The following SGCD variants were observed in gnomAD, a reference collection of about 807,000 sequenced individuals.
SGCD encodes the protein delta-sarcoglycan.
In SGCD, 18 loss-of-function variants were observed where a neutral mutation model predicts 36.6. The observed-to-expected ratio is 0.49, with a 90% CI of 0.34 to 0.73. The LOEUF is 0.73. Ranked by LOEUF, SGCD falls within the 30% of genes least tolerant of loss-of-function variation. The pLI is 0.01. For missense variants in SGCD, 387 were observed against 346.7 expected, an observed-to-expected ratio of 1.12 and a Z score of -0.92; for synonymous variants, 133 against 130.6, an observed-to-expected ratio of 1.02 and a Z score of -0.12.
intron 2 of SGCD, among the ~76,000 whole-genome samples, chr5:156,121,007 C>A (rs1280281467): frequency 6.6e-6 from 1 of 152,102 alleles, no homozygotes; most frequent in African/African-American, 2.4e-5. Flanking sequence ...GAAAACATGA[C>A]TTTCTCATGT....
chr5:156,759,304 A>T lies in SGCD; in HGVS notation c.787A>T (p.Ile263Phe). ...AGGAACGAGGCAGAAGGTCTTCGAG[A>T]TCTGCGTCTGCGCCAATGGGAGATT... Reference protein sequence around the residue: ...PTGTRQKVFEICVCANGRLFL... With the variant: ...PTGTRQKVFEFCVCANGRLFL... The change falls in exon 9 of 9, where the codon ATC becomes TTC. Residue 263 changes from isoleucine to phenylalanine, a missense_variant. Physicochemically the swap from Ile to Phe is conservative, Grantham distance 21. Transcript: ENST00000337851. 1 of 1,613,632 alleles carries T rather than the reference A, an allele frequency of 6.2e-7. No homozygotes were observed. The highest frequency in any genetic ancestry group is 8.5e-7 in the Non-Finnish European group (1 of 1,179,582).
At chr5:156,447,909 T>C (rs1221996034) in intron 3 of SGCD, among the ~76,000 whole-genome samples, 1 of 152,172 alleles carries the variant, frequency 6.6e-6, no homozygotes, top group East Asian at 1.9e-4. Context: ...ATTATTACCC[T>C]ATGAGGTATA....
At chr5:155,942,111 T>A (rs776876553) in intron 1 of SGCD, among the ~76,000 whole-genome samples, 1 of 152,140 alleles carries the variant, frequency 6.6e-6, no homozygotes, top group Non-Finnish European at 1.5e-5. Flanking sequence ...TTCTGCATAA[T>A]ATATTATATA....
intron 3 of SGCD, among the ~76,000 whole-genome samples, chr5:156,251,263 T>A (rs1765570186): frequency 6.6e-6 from 1 of 152,200 alleles, no homozygotes; most frequent in Non-Finnish European, 1.5e-5. Context: ...GGAAACATTT[T>A]GGTTGCAAAA....
At position 156,185,431 on chromosome 5, in the gene SGCD, G is replaced by A. The variant is rs528885695; in HGVS notation, c.-44+61412G>A. ...GGGTTTCACCACGTTAGCCAGGATG[G>A]TCTCGATCTCCTGACCTTGTGATCC... On this transcript the variant is annotated intron_variant, in intron 3 of 9. Coordinates refer to the SGCD transcript ENST00000517913. Among the ~76,000 whole-genome samples the A allele has an allele frequency of 5.9e-5, 9 of 151,960 alleles. No homozygotes were observed. The East Asian group carries it at 7.8e-4, about 13-fold the overall frequency.
At chr5:155,755,156 C>A in the SGCD span, among the ~76,000 whole-genome samples, 1 of 152,250 alleles carries the variant, frequency 6.6e-6, no homozygotes. Flanking sequence ...GAGATGTTAT[C>A]ATAGCTTATG....
chr5:156,735,870 T>C (rs1307315609), intron 7 of SGCD, among the ~76,000 whole-genome samples: 2 of 152,192 alleles, frequency 1.3e-5, no homozygotes, highest in African/African-American at 4.8e-5. Context: ...CCAGGTCTCC[T>C]GTGTGCCTGA....
intron 7 of SGCD, among the ~76,000 whole-genome samples, chr5:156,705,464 T>A (rs574472032): frequency 1.3e-5 from 2 of 152,166 alleles, no homozygotes; most frequent in South Asian, 4.1e-4. Context: ...TCTCCTCTGC[T>A]GGAATATCAG....
chr5:156,416,263 A>G (rs1773025704), intron 3 of SGCD, among the ~76,000 whole-genome samples: 3 of 152,218 alleles, frequency 2.0e-5, no homozygotes, highest in Non-Finnish European at 1.5e-5. Flanking sequence ...AAGTAACTCA[A>G]GAATGGAAAA....
intron 7 of SGCD, among the ~76,000 whole-genome samples, chr5:156,725,416 G>A (rs1755725442): frequency 1.3e-5 from 2 of 152,202 alleles, no homozygotes; most frequent in Admixed American, 1.3e-4. Context: ...AGCCCTGGAT[G>A]AACTGGTTAG....
At chr5:156,186,246 G>A (rs1763757611) in intron 3 of SGCD, among the ~76,000 whole-genome samples, 1 of 151,976 alleles carries the variant, frequency 6.6e-6, no homozygotes, top group African/African-American at 2.4e-5. Flanking sequence ...TATAAACATG[G>A]GGTGACTTCT....
chr5:156,014,805 T>C (rs1029757447), intron 1 of SGCD, among the ~76,000 whole-genome samples: 1 of 152,218 alleles, frequency 6.6e-6, no homozygotes, highest in Non-Finnish European at 1.5e-5. Context: ...TTATCTTTCA[T>C]GCTATGACGT....
chr5:156,355,295 A>T (rs944783368), intron 3 of SGCD, among the ~76,000 whole-genome samples: 3 of 152,222 alleles, frequency 2.0e-5, no homozygotes, highest in African/African-American at 7.2e-5. Context: ...GAGCTGTGGG[A>T]TTAAGGTAGG....
At chr5:156,502,882 T>C (rs1756517767) in intron 3 of SGCD, among the ~76,000 whole-genome samples, 1 of 152,234 alleles carries the variant, frequency 6.6e-6, no homozygotes, top group Admixed American at 6.5e-5. Flanking sequence ...TAATCAGTTT[T>C]GTGTTATATT....
intron 7 of SGCD, among the ~76,000 whole-genome samples, chr5:156,739,428 G>A (rs1756550588): frequency 6.6e-6 from 1 of 152,134 alleles, no homozygotes; most frequent in South Asian, 2.1e-4. Flanking sequence ...ATTAAAACAA[G>A]TAAAGAGACA....
At chr5:156,623,605 G>T (rs907729191) in intron 6 of SGCD, among the ~76,000 whole-genome samples, 1 of 152,210 alleles carries the variant, frequency 6.6e-6, no homozygotes, top group Non-Finnish European at 1.5e-5. Flanking sequence ...TTCCCACTCA[G>T]TTGCTTGATG....
At position 156,054,237 on chromosome 5, in the gene SGCD, C is replaced by G. The variant is rs530614821; in HGVS notation, c.-281-63641C>G. ...AAAGCTAAAGTGCAACACCAAACAT[C>G]TGGATGTTTGGATTCCAGTTAAACC... On this transcript the variant is annotated intron_variant, in intron 1 of 9. Transcript: ENST00000517913. Among the ~76,000 whole-genome samples the G allele has an allele frequency of 4.9e-5, 7 of 144,202 alleles. 1 individual carries two copies. The South Asian group carries it at 1.3e-3, about 27-fold the overall frequency. The allele number at this position is 144,202 out of a possible 152,430, so 94.6% of individuals were successfully genotyped here. A position where few individuals can be genotyped will look rare whatever the true frequency, so the allele number is the denominator to read the frequency against.
the SGCD span, among the ~76,000 whole-genome samples, chr5:155,856,934 T>C: frequency 6.6e-6 from 1 of 152,150 alleles, no homozygotes; most frequent in African/African-American, 2.4e-5. Context: ...GCTTGGCCAT[T>C]GTAAAAGAAG....
intron 3 of SGCD, among the ~76,000 whole-genome samples, chr5:156,459,749 G>T (rs1293590035): frequency 6.6e-6 from 1 of 152,136 alleles, no homozygotes; most frequent in Non-Finnish European, 1.5e-5. Flanking sequence ...GATTTTCAAG[G>T]TTTAACTAAA....
Sources: allele counts gnomAD v4.1 joint callset (sites outside exome capture counted in the v4.1 genomes callset), GRCh38; gene constraint gnomAD v4.1.1; transcripts MANE v1.5; gene names NCBI Gene and HGNC (gene_info 2026-07-23, HGNC 2026-07-21).